WHRN: variants seen among roughly 807,000 people sequenced by gnomAD.
WHRN encodes CASK-interacting protein CIP98.
A neutral mutation model predicts 68.3 loss-of-function variants in WHRN; 41 were observed. The ratio of observed to expected loss-of-function variants is 0.60; its 90% CI spans 0.47 to 0.78. The LOEUF is 0.78. WHRN is among the 30% of genes least tolerant of loss of function. The pLI, the probability that WHRN is intolerant of heterozygous loss-of-function variation, is 0.00. For missense variants in WHRN, 1,243 were observed against 1,244.7 expected, an observed-to-expected ratio of 1.00 and a Z score of 0.02; for synonymous variants, 560 against 561.3, an observed-to-expected ratio of 1.00 and a Z score of 0.03.
At chr9:114,478,870 C>G in intron 1 of WHRN, 99 bp from the exon 2 acceptor site, 1 of 1,181,128 alleles carries the variant, frequency 8.5e-7, no homozygotes, top group Non-Finnish European at 1.2e-6. Context: ...TCAGGAGCCC[C>G]ACATGGAAGA....
Position 114,505,106 on chromosome 9 carries a change from G to A in WHRN, c.-305C>T, listed in dbSNP as rs537786676. The A allele has an allele frequency of 7.6e-4, 259 of 340,226 alleles. 1 individual carries two copies. The highest frequency in any genetic ancestry group is 1.7e-3 in the Admixed American group (33 of 19,782). 21.1% of individuals were successfully genotyped at this position (340,226 alleles called of 1,614,324 possible). On this transcript the variant is annotated 5_prime_UTR_variant, in exon 1 of 12. Transcript: ENST00000362057. ...CCCGGAGGTGGCGGAGACTGCTGCT[G>A]GAGTCCGGGGGGCGCGGGGTCAGCA...
chr9:114,493,281 T>G (rs1843144620), intron 1 of WHRN, among the ~76,000 whole-genome samples: 1 of 137,014 alleles, frequency 7.3e-6, no homozygotes, highest in South Asian at 2.3e-4. Context: ...AGCCCAGGAG[T>G]TCAAAGCTGC....
chr9:114,504,554 T>G lies in WHRN; in HGVS notation c.248A>C (p.Asp83Ala). ...DLVRTLRVLL[D>A]SPVKRRLLPM... is the part of the protein sequence containing the mutation. ...CAGCAGGCGCCGCTTGACCGGACTG[T>G]CCAGCAGCACGCGCAGGGTGCGCAC... The change falls in exon 1 of 12, where the codon GAC becomes GCC. Residue 83 changes from aspartate to alanine, a missense_variant. Transcript: ENST00000362057. The G allele has an allele frequency of 6.2e-7, 1 of 1,611,248 alleles. No individual in the cohort carries two copies. Among genetic ancestry groups the G allele is most frequent in the Non-Finnish European group, 8.5e-7 (1 of 1,179,808 alleles).
chr9:114,459,673 G>A (rs553615965), intron 3 of WHRN, among the ~76,000 whole-genome samples: 1 of 152,242 alleles, frequency 6.6e-6, no homozygotes, highest in Admixed American at 6.5e-5. Flanking sequence ...ATATGGTCAG[G>A]CTCCTGGCAA....
chr9:114,429,241 T>A (rs1837187399), intron 3 of WHRN, among the ~76,000 whole-genome samples: 1 of 152,206 alleles, frequency 6.6e-6, no homozygotes, highest in Non-Finnish European at 1.5e-5. Flanking sequence ...AGTGTCAGAT[T>A]AATTTCATCA....
intron 5 of WHRN, 120 bp from the exon 6 acceptor site, chr9:114,424,666 C>T (rs1381676686): frequency 8.8e-7 from 1 of 1,141,658 alleles, no homozygotes; most frequent in African/African-American, 1.5e-5. Flanking sequence ...GTTATTCTCC[C>T]TCATAACCCC....
rs1184636898 is a variant in WHRN at position 114,404,032 on chromosome 9, C to T, written c.2282G>A (p.Ser761Asn). 1.2e-6 allele frequency: 2 copies of T among 1,613,360 alleles called. No homozygotes were observed. Among genetic ancestry groups the T allele is most frequent in the Non-Finnish European group, 1.7e-6 (2 of 1,180,048 alleles). ...SQLSDSGQTL[S>N]EDSGVDAGEA... ...GCCAGCATCCACACCACTGTCCTCG[C>T]TTAGAGTCTGCCCGCTGTCCGAGAG... The change falls in exon 10 of 12, where the codon AGC becomes AAC. Residue 761 changes from serine to asparagine, a missense_variant. Physicochemically the swap from Ser to Asn is conservative, Grantham distance 46. Transcript: ENST00000362057.
rs750031988 is a variant in WHRN, at chr9:114,402,772, C to T, written c.2706G>A (p.Glu902=). The T allele has an allele frequency of 1.2e-6, 2 of 1,614,028 alleles. No homozygotes were observed. Among genetic ancestry groups the T allele is most frequent in the South Asian group, 1.1e-5 (1 of 91,086 alleles). The change falls in exon 12 of 12, where the codon GAG becomes GAA. Residue 902 remains glutamate (E), a synonymous_variant. Transcript: ENST00000362057. ...TTGGCCTCTAGAGCATCACATTGAACTCAGTGACCAGAAAGTCAATGTAGT... is the reference window on the plus strand; with the variant it reads ...TTGGCCTCTAGAGCATCACATTGAATTCAGTGACCAGAAAGTCAATGTAGT... ...DRDYIDFLVT[E]FNVML
chr9:114,480,971 T>C (rs60029955), intron 1 of WHRN, among the ~76,000 whole-genome samples: 1 of 152,084 alleles, frequency 6.6e-6, no homozygotes, highest in African/African-American at 2.4e-5. Context: ...TGTTTCTCAA[T>C]ATTTTCTAAA....
chr9:114,414,876 G>C (rs897674954), intron 7 of WHRN, among the ~76,000 whole-genome samples: 6 of 152,156 alleles, frequency 3.9e-5, no homozygotes, highest in Non-Finnish European at 7.4e-5. Flanking sequence ...TGCCCTCTCT[G>C]GGCACTCAGC....
At chr9:114,480,347 T>C (rs1366569049) in intron 1 of WHRN, among the ~76,000 whole-genome samples, 2 of 152,152 alleles carry the variant, frequency 1.3e-5, no homozygotes, top group Non-Finnish European at 2.9e-5. Context: ...TGAATGTATT[T>C]CCCTCCAGAT....
At chr9:114,493,161 G>A (rs1035052054) in intron 1 of WHRN, among the ~76,000 whole-genome samples, 1 of 151,882 alleles carries the variant, frequency 6.6e-6, no homozygotes, top group African/African-American at 2.4e-5. Flanking sequence ...ACCAGCCTGG[G>A]CGACATAGTG....
At position 114,403,283 on chromosome 9, in the gene WHRN, G is replaced by C; in HGVS notation, c.2475C>G (p.Thr825=). The C allele has an allele frequency of 1.2e-6, 2 of 1,614,124 alleles. No individual in the cohort carries two copies. The highest frequency in any genetic ancestry group is 1.7e-6 in the Non-Finnish European group (2 of 1,180,028). ...CGCCACCCTCGATGGCGATGCCCAG[G>C]GTGGCCGCACTTTTCTTCACACGGA... ...TLVRVKKSAA[T]LGIAIEGGAN... Residue 825 remains threonine (T), a synonymous_variant, in exon 11 of 12, where the codon ACC becomes ACG. Transcript: ENST00000362057.
intron 7 of WHRN, among the ~76,000 whole-genome samples, chr9:114,411,692 T>C (rs1017184577): frequency 2.6e-5 from 4 of 152,172 alleles, no homozygotes; most frequent in Admixed American, 2.6e-4. Flanking sequence ...CTGGGTGTTT[T>C]ACTTATATTA....
rs1836625673 is a variant in WHRN at position 114,424,479 on chromosome 9, A to T, written c.1271T>A (p.Val424Glu). The T allele has an allele frequency of 3.1e-6, 5 of 1,613,718 alleles. No individual in the cohort carries two copies. Among genetic ancestry groups the T allele is most frequent in the African/African-American group, 1.3e-5 (1 of 74,860 alleles). Residue 424 changes from valine to glutamate, a missense_variant, in exon 6 of 12, where the codon GTG becomes GAG. By Grantham distance (121) the Val-to-Glu change is moderately radical. Coordinates refer to ENST00000362057, the MANE Select transcript of WHRN (RefSeq NM_015404.4). ...GTGCCGAGCCTGCTCCTCCAGCAGC[A>T]CTCGTGTCTGGTTCCCCAGGCTGCT... ...TLSSLGNQTR[V>E]LLEEQARHLL...
intron 3 of WHRN, among the ~76,000 whole-genome samples, chr9:114,440,043 G>C (rs1475386998): frequency 6.6e-6 from 1 of 152,198 alleles, no homozygotes; most frequent in Non-Finnish European, 1.5e-5. Context: ...CTCCCAGCCA[G>C]CTGGGATTAC....
At chr9:114,419,218 C>T (rs1352452829) in intron 7 of WHRN, among the ~76,000 whole-genome samples, 1 of 152,134 alleles carries the variant, frequency 6.6e-6, no homozygotes, top group African/African-American at 2.4e-5. Flanking sequence ...CTTCTCCTCT[C>T]TGAGCTTTGG....
At position 114,450,826 on chromosome 9, in the gene WHRN, T is replaced by TCC. The variant is rs386415963; in HGVS notation, c.963+15439_963+15440dup. Among the ~76,000 whole-genome samples, 494 of 141,582 alleles carry TCC rather than the reference T, an allele frequency of 3.5e-3. 5 individuals are homozygous for TCC. Among genetic ancestry groups the TCC allele is most frequent in the South Asian group, 0.025 (115 of 4,650 alleles). 92.9% of individuals were successfully genotyped at this position (141,582 alleles called of 152,430 possible). ...GCTGCTATTGTTATTATTATTAGTT[T>TCC]CCCCCCCCGCAAAAAAATACTTTCT... On this transcript the variant is annotated intron_variant, in intron 3 of 11. Transcript: ENST00000362057.
At chr9:114,423,973 G>A (rs1459380242) in intron 6 of WHRN, among the ~76,000 whole-genome samples, 1 of 152,172 alleles carries the variant, frequency 6.6e-6, no homozygotes, top group Non-Finnish European at 1.5e-5. Context: ...TGGTGGCACA[G>A]CACAGTCACC....
Sources: allele counts gnomAD v4.1 joint callset (sites outside exome capture counted in the v4.1 genomes callset), GRCh38; gene constraint gnomAD v4.1.1; transcripts MANE v1.5; gene names NCBI Gene and HGNC (gene_info 2026-07-23, HGNC 2026-07-21).